Variants in CNR2 observed in about 807,000 individuals in gnomAD.
CNR2 encodes cannabinoid receptor 2 (macrophage).
For missense variants in CNR2, 379 were observed against 439.9 expected (o/e 0.86, Z 1.24); for synonymous variants, 172 against 182.2 (o/e 0.94, Z 0.45).
chr1:23,896,001 A>G (rs186024164), intron 1 of CNR2, among the ~76,000 whole-genome samples: 58 of 151,784 alleles, frequency 3.8e-4, no homozygotes, highest in African/African-American at 1.4e-3. Flanking sequence ...CTTCATTGCT[A>G]CCATTAGCTG....
In CNR2 at chr1:23,890,209, T is replaced by C. The variant is rs1640161028; in HGVS notation, c.-45-14547A>G. On this transcript the variant is annotated intron_variant, in intron 1 of 1. Coordinates refer to ENST00000374472, the MANE Select transcript of CNR2 (RefSeq NM_001841.3). The stretch of plus-strand genomic sequence containing the variant: ...AGGAAGTCACGGCTGCAGTAAGCAG[T>C]GATTGTTCCACTGTGCTCTAGCCCG... 2.8e-5 allele frequency among the ~76,000 whole-genome samples: 4 copies of C among 141,822 alleles called. No homozygotes were observed. The South Asian group carries it at 8.8e-4, about 31-fold the overall frequency. 93.0% of individuals were successfully genotyped at this position (141,822 alleles called of 152,430 possible).
intron 1 of CNR2, among the ~76,000 whole-genome samples, chr1:23,894,018 A>G (rs1640234172): frequency 6.6e-6 from 1 of 151,848 alleles, no homozygotes; most frequent in African/African-American, 2.4e-5. Flanking sequence ...CCACTCAGGA[A>G]GCTGAGGTGG....
At chr1:23,907,179 G>A (rs1640506454) in intron 1 of CNR2, 1 of 152,030 alleles carries the variant, frequency 6.6e-6, no homozygotes, top group South Asian at 2.1e-4. Flanking sequence ...CGGATCACCT[G>A]AGGTCAGGAA....
At chr1:23,895,673 A>G (rs1640269437) in intron 1 of CNR2, among the ~76,000 whole-genome samples, 1 of 151,900 alleles carries the variant, frequency 6.6e-6, no homozygotes, top group South Asian at 2.1e-4. Context: ...CACTCAACTA[A>G]TTTTTTGTAT....
At position 23,911,404 on chromosome 1, in the gene CNR2, C is replaced by A. The variant is rs114171331; in HGVS notation, c.-46+1842G>T. ...CAGGGAAGTGGGCAAGGCTGGACTT[C>A]AGACAATCAAGTCCATTTGGGCAAT... On this transcript the variant is annotated intron_variant, in intron 1 of 1. Coordinates refer to ENST00000374472, the MANE Select transcript of CNR2 (RefSeq NM_001841.3). Among the ~76,000 whole-genome samples the A allele has an allele frequency of 3.9e-3, 601 of 152,196 alleles. 3 individuals carry two copies. The highest frequency in any genetic ancestry group is 0.014 in the African/African-American group (575 of 41,512).
intron 1 of CNR2, among the ~76,000 whole-genome samples, chr1:23,876,195 T>TTTTATTTA (rs150599301): frequency 0.02 from 2,975 of 147,640 alleles, 38 homozygotes; most frequent in Non-Finnish European, 0.026. Flanking sequence ...TTATTTTAAT[T>TTTTATTTA]TTTATTTATT....
At chr1:23,880,325 A>T (rs1485311548) in intron 1 of CNR2, among the ~76,000 whole-genome samples, 1 of 151,398 alleles carries the variant, frequency 6.6e-6, no homozygotes, top group Non-Finnish European at 1.5e-5. Context: ...CTACAGGCGC[A>T]TACTACCATG....
At chr1:23,895,791 C>T (rs539632863) in intron 1 of CNR2, among the ~76,000 whole-genome samples, 55 of 152,246 alleles carry the variant, frequency 3.6e-4, no homozygotes, top group African/African-American at 1.1e-3. Context: ...CGTGAGCCAC[C>T]GTGCCCGGCC....
chr1:23,895,754 C>T (rs191531535), intron 1 of CNR2, among the ~76,000 whole-genome samples: 8 of 152,182 alleles, frequency 5.3e-5, no homozygotes, highest in African/African-American at 7.2e-5. Context: ...CCGCCCTCCT[C>T]GGCCTCCCAA....
At chr1:23,894,071 G>A (rs1396550621) in intron 1 of CNR2, among the ~76,000 whole-genome samples, 1 of 150,046 alleles carries the variant, frequency 6.7e-6, no homozygotes, top group Admixed American at 6.7e-5. Flanking sequence ...AGTGAGCCGT[G>A]ATCACACCAC....
chr1:23,901,817 G>T (rs1227135245), intron 1 of CNR2: 1 of 1,600,638 alleles, frequency 6.2e-7, no homozygotes, highest in East Asian at 2.2e-5. Context: ...GCCTAGCCCC[G>T]CAATAAATAC....
chr1:23,889,097 T>C (rs1388641010), intron 1 of CNR2, among the ~76,000 whole-genome samples: 1 of 152,036 alleles, frequency 6.6e-6, no homozygotes, highest in Non-Finnish European at 1.5e-5. Context: ...GGAGCGTCCA[T>C]GGTGGGGCTG....
chr1:23,894,945 C>T (rs1312970481), intron 1 of CNR2, among the ~76,000 whole-genome samples: 1 of 152,054 alleles, frequency 6.6e-6, no homozygotes, highest in African/African-American at 2.4e-5. Flanking sequence ...CACTGCCGGG[C>T]ATGGTGGCTC....
intron 1 of CNR2, among the ~76,000 whole-genome samples, chr1:23,878,805 C>T (rs2502990): frequency 0.63 from 96,162 of 151,902 alleles, 30,816 homozygotes; most frequent in African/African-American, 0.75. Context: ...GTAAGAGAAC[C>T]ATAATTAATT....
chr1:23,910,143 T>C (rs1255194098), intron 1 of CNR2, among the ~76,000 whole-genome samples: 1 of 114,320 alleles, frequency 8.7e-6, no homozygotes, highest in Non-Finnish European at 1.9e-5. Flanking sequence ...TTTTTTTTTG[T>C]AGAGATAGGG....
rs142352660 is a variant in CNR2, at chr1:23,895,136, G to A, written c.-46+18110C>T. Among the ~76,000 whole-genome samples the A allele has an allele frequency of 2.4e-4, 37 of 152,088 alleles. No homozygotes were observed. The East Asian group carries it at 7.0e-3, about 29-fold the overall frequency. On this transcript the variant is annotated intron_variant, in intron 1 of 1. Transcript: ENST00000374472. ...ACTTGGAGGCTGAGGCAGGAGAATCGCTTGAACCCAGGAGGTGGAGGTTGC... is the reference window on the plus strand; with the variant it reads ...ACTTGGAGGCTGAGGCAGGAGAATCACTTGAACCCAGGAGGTGGAGGTTGC...
At position 23,909,172 on chromosome 1, in the gene CNR2, G is replaced by A. The variant is rs569933485; in HGVS notation, c.-46+4074C>T. ...TGGGGAATCCTTCCCTCCCTGCTTG[G>A]CCCTAACTCCACTATGCAGTTCCTC... On this transcript the variant is annotated intron_variant, in intron 1 of 1. Coordinates refer to ENST00000374472, the MANE Select transcript of CNR2 (RefSeq NM_001841.3). Among the ~76,000 whole-genome samples the A allele has an allele frequency of 2.0e-5, 3 of 152,138 alleles. No homozygotes were observed. In the East Asian group the frequency reaches 5.8e-4, roughly 29 times the overall value.
At chr1:23,886,361 G>T (rs1026462965) in intron 1 of CNR2, among the ~76,000 whole-genome samples, 3 of 152,092 alleles carry the variant, frequency 2.0e-5, no homozygotes, top group South Asian at 4.1e-4. Context: ...GAAGCCAGGG[G>T]CTCTGACTCC....
intron 1 of CNR2, among the ~76,000 whole-genome samples, chr1:23,910,910 T>A (rs1438282894): frequency 6.6e-6 from 1 of 151,978 alleles, no homozygotes; most frequent in African/African-American, 2.4e-5. Flanking sequence ...AGCGCAGGAC[T>A]CTCTGCTCAC....
Sources: allele counts gnomAD v4.1 joint callset (sites outside exome capture counted in the v4.1 genomes callset), GRCh38; gene constraint gnomAD v4.1.1; transcripts MANE v1.5; gene names NCBI Gene and HGNC (gene_info 2026-07-23, HGNC 2026-07-21).